The following AGBL3 variants were observed in gnomAD, a reference collection of about 807,000 sequenced individuals.
The protein encoded by AGBL3 is cytosolic carboxypeptidase 3.
AGBL3 carries 68 observed loss-of-function variants against 94.5 expected under a neutral mutation model. That is an observed-to-expected ratio of 0.72 (90% CI 0.59 to 0.88). AGBL3 has a LOEUF of 0.88. Ranked by LOEUF, AGBL3 falls within the 40% of genes least tolerant of loss-of-function variation. The probability of loss-of-function intolerance (pLI) is 0.00; values close to 1 mark genes in which losing one functional copy is unlikely to be tolerated. For synonymous variants in AGBL3, 354 were observed against 370.7 expected (o/e 0.95, Z 0.52); for missense variants, 934 against 1,103.8 (o/e 0.85, Z 2.18).
At chr7:135,123,144 G>A (rs918619211) in intron 16 of AGBL3, among the ~76,000 whole-genome samples, 31 of 152,146 alleles carry the variant, frequency 2.0e-4, no homozygotes, top group South Asian at 6.2e-4. Flanking sequence ...AGCTAAGAAC[G>A]TTGATAAAAG....
chr7:135,084,416 T>G (rs575811112), intron 15 of AGBL3, among the ~76,000 whole-genome samples: 1 of 152,152 alleles, frequency 6.6e-6, no homozygotes, highest in African/African-American at 2.4e-5. Flanking sequence ...ACCCTATAGT[T>G]CTATGGAACA....
At chr7:135,053,274 A>C (rs1017781842) in intron 11 of AGBL3, among the ~76,000 whole-genome samples, 1 of 152,152 alleles carries the variant, frequency 6.6e-6, no homozygotes, top group African/African-American at 2.4e-5. Flanking sequence ...GCTAATTCTG[A>C]GAAGGGTTAG....
At chr7:135,046,236 G>A (rs1817346211) in intron 11 of AGBL3, among the ~76,000 whole-genome samples, 1 of 151,990 alleles carries the variant, frequency 6.6e-6, no homozygotes, top group African/African-American at 2.4e-5. Context: ...TAGATTCACA[G>A]CAAAATGGAA....
chr7:135,034,598 T>C lies in AGBL3; in HGVS notation c.1007T>C (p.Met336Thr). 6.4e-7 allele frequency: 1 copy of C among 1,551,698 alleles called. No homozygotes were observed. The highest frequency in any genetic ancestry group is 8.7e-7 in the Non-Finnish European group (1 of 1,146,964). ...TTGTGCCACACGCTTGCTAGGAACATGGTGTATATTTTAACAATCACTACC... is the reference window on the plus strand; with the variant it reads ...TTGTGCCACACGCTTGCTAGGAACACGGTGTATATTTTAACAATCACTACC... ...RVLCHTLARNMVYILTITTPL... is the reference protein window; with the variant it reads ...RVLCHTLARNTVYILTITTPL... Residue 336 changes from methionine to threonine, a missense_variant, in exon 7 of 17, where the codon ATG (methionine) becomes ACG (threonine). Met to Thr is a moderately conservative substitution (Grantham distance 81). Coordinates refer to ENST00000436302, the MANE Select transcript of AGBL3 (RefSeq NM_178563.4).
At chr7:135,036,400 A>C (rs1816310959) in intron 7 of AGBL3, among the ~76,000 whole-genome samples, 1 of 152,142 alleles carries the variant, frequency 6.6e-6, no homozygotes. Flanking sequence ...TTATCAGAAA[A>C]AGTCAATTCA....
intron 11 of AGBL3, among the ~76,000 whole-genome samples, chr7:135,049,145 T>C (rs1817650579): frequency 6.6e-6 from 1 of 151,968 alleles, no homozygotes; most frequent in Non-Finnish European, 1.5e-5. Context: ...GAAAGGATGT[T>C]GAATTTTGTC....
intron 16 of AGBL3, among the ~76,000 whole-genome samples, chr7:135,119,932 G>A (rs989426960): frequency 6.6e-6 from 1 of 152,154 alleles, no homozygotes; most frequent in Non-Finnish European, 1.5e-5. Flanking sequence ...CTTTCCTACA[G>A]AGGAAAAACA....
intron 5 of AGBL3, among the ~76,000 whole-genome samples, chr7:135,029,773 G>C (rs1815520940): frequency 6.6e-6 from 1 of 152,084 alleles, no homozygotes; most frequent in Non-Finnish European, 1.5e-5. Flanking sequence ...ATCATTTTTG[G>C]CTTTTGATTT....
At position 135,128,308 on chromosome 7, in the gene AGBL3, A is replaced by C. The variant is rs1397936244; in HGVS notation, c.2343-6533A>C. 45 of 247,470 alleles carry C rather than the reference A, an allele frequency of 1.8e-4. No homozygotes were observed. In the Admixed American group the frequency reaches 1.9e-3, roughly 11 times the overall value. 15.3% of individuals were successfully genotyped at this position (247,470 alleles called of 1,614,324 possible). On this transcript the variant is annotated intron_variant, in intron 16 of 16. Coordinates refer to ENST00000436302, the MANE Select transcript of AGBL3 (RefSeq NM_178563.4). ...CTCCATCTCAAAAAAAAAAAAAAAA[A>C]AAAAAAAAAAACGAAAAAAAAAAAC...
At chr7:135,058,086 A>C (rs1818494701) in intron 11 of AGBL3, among the ~76,000 whole-genome samples, 1 of 152,184 alleles carries the variant, frequency 6.6e-6, no homozygotes, top group South Asian at 2.1e-4. Flanking sequence ...AATTTTTAAT[A>C]ATGTATCAGT....
At chr7:135,079,321 A>G (rs1330154049) in intron 13 of AGBL3, among the ~76,000 whole-genome samples, 2 of 152,138 alleles carry the variant, frequency 1.3e-5, no homozygotes, top group Non-Finnish European at 1.5e-5. Flanking sequence ...CCTTTCTTCA[A>G]TAATCAAATT....
chr7:135,011,371 A>G (rs1335790756), intron 4 of AGBL3: 1 of 152,206 alleles, frequency 6.6e-6, no homozygotes, highest in Non-Finnish European at 1.5e-5. Context: ...AAAGGCTTAA[A>G]CAGAACAGAA....
intron 10 of AGBL3, 64 bp downstream of exon 10, chr7:135,045,638 G>A: frequency 7.0e-7 from 1 of 1,435,764 alleles, no homozygotes; most frequent in Non-Finnish European, 9.6e-7. Context: ...AGCTGACTAT[G>A]GGCCTATGCA....
chr7:135,094,314 A>G (rs1190599777), intron 15 of AGBL3: 2 of 452,244 alleles, frequency 4.4e-6, no homozygotes, highest in Non-Finnish European at 8.9e-6. Flanking sequence ...GCTGACAAGT[A>G]AACTACTACC....
chr7:135,104,374 G>C (rs1473855456), intron 15 of AGBL3, among the ~76,000 whole-genome samples: 1 of 152,138 alleles, frequency 6.6e-6, no homozygotes, highest in Admixed American at 6.5e-5. Context: ...GCAATGAATA[G>C]CGTTGCAGTG....
intron 4 of AGBL3, among the ~76,000 whole-genome samples, chr7:135,014,271 T>C (rs983641179): frequency 6.6e-6 from 1 of 151,846 alleles, no homozygotes; most frequent in Non-Finnish European, 1.5e-5. Flanking sequence ...GATTGTGGAT[T>C]TTTTTCTTTT....
chr7:135,106,742 A>C lies in AGBL3; in HGVS notation c.2111-8638A>C, dbSNP rs1433523434. ...GCTGGCTTCATAGAATGAGTTGGGG[A>C]GGAGTCCCTCCTCCTCAGCTTTTTG... On this transcript the variant is annotated intron_variant, in intron 15 of 16. Transcript: ENST00000436302. Among the ~76,000 whole-genome samples, 3 of 152,146 alleles carry C rather than the reference A, an allele frequency of 2.0e-5. No individual in the cohort carries two copies. The South Asian group carries it at 6.2e-4, about 32-fold the overall frequency.
intron 15 of AGBL3, among the ~76,000 whole-genome samples, chr7:135,089,990 T>TG (rs1563252682): frequency 6.6e-6 from 1 of 152,166 alleles, no homozygotes; most frequent in Non-Finnish European, 1.5e-5. Context: ...AGGCATCCCA[T>TG]GGGGCCAGGT....
intron 15 of AGBL3, among the ~76,000 whole-genome samples, chr7:135,098,314 A>G (rs998703221): frequency 6.6e-6 from 1 of 152,208 alleles, no homozygotes; most frequent in African/African-American, 2.4e-5. Flanking sequence ...GTTTGCATAT[A>G]ACCTATGCAT....
Sources: gnomAD v4.1 joint callset for allele counts (sites outside exome capture counted in the v4.1 genomes callset) on GRCh38, gnomAD v4.1.1 for gene constraint, MANE v1.5 for transcripts, NCBI Gene and HGNC (gene_info 2026-07-23, HGNC 2026-07-21) for gene names.